SWT1: variants seen among roughly 807,000 people sequenced by gnomAD.
SWT1 encodes transcriptional protein SWT1.
Under a neutral mutation model 107.3 loss-of-function variants are expected in SWT1, and 33 were observed. The ratio of observed to expected loss-of-function variants is 0.31; its 90% CI spans 0.23 to 0.41. The LOEUF (loss-of-function observed/expected upper bound fraction) is 0.41, where lower values mean the gene tolerates loss of function less well. SWT1 is among the 10% of genes least tolerant of loss of function. The pLI is 1.00. For missense variants in SWT1, 898 were observed against 1,028.9 expected (o/e 0.87, Z 1.74); for synonymous variants, 345 against 348.3 (o/e 0.99, Z 0.11).
rs532904106 is a variant in SWT1, at chr1:185,284,456, C to T, written c.2574-6218C>T. Among the ~76,000 whole-genome samples, 6 of 152,262 alleles carry T rather than the reference C, an allele frequency of 3.9e-5. No individual in the cohort carries two copies. The East Asian group carries it at 1.2e-3, about 29-fold the overall frequency. On this transcript the variant is annotated intron_variant, in intron 18 of 18. Transcript: ENST00000367500. ...TTCCCCATACCTAAGGAAATGTTGA[C>T]CTAAAAGGAAGAGTTGAGGCACAAA... is the stretch of plus-strand genomic sequence containing the variant.
At position 185,259,900 on chromosome 1, in the gene SWT1, A is replaced by G. The variant is rs1662901001; in HGVS notation, c.2442-11423A>G. Reference sequence around the variant, plus strand: ...TACATTCATATTTCCCTAAAGAGAGATACCCTGATGACCTTGATTAGAACT... The same window carrying G: ...TACATTCATATTTCCCTAAAGAGAGGTACCCTGATGACCTTGATTAGAACT... On this transcript the variant is annotated intron_variant, in intron 16 of 18. Coordinates refer to ENST00000367500, the MANE Select transcript of SWT1 (RefSeq NM_017673.7). Among the ~76,000 whole-genome samples, 3 of 152,328 alleles carry G rather than the reference A, an allele frequency of 2.0e-5. No homozygotes were observed. The East Asian group carries it at 5.8e-4, about 29-fold the overall frequency.
intron 18 of SWT1, among the ~76,000 whole-genome samples, chr1:185,288,465 C>T (rs942520353): frequency 2.0e-5 from 3 of 152,030 alleles, no homozygotes; most frequent in African/African-American, 4.8e-5. Flanking sequence ...TTATTTACTT[C>T]GGTGTTGTCA....
chr1:185,158,438 A>G (rs1351057005), intron 1 of SWT1, among the ~76,000 whole-genome samples: 3 of 151,826 alleles, frequency 2.0e-5, no homozygotes, highest in Non-Finnish European at 4.4e-5. Flanking sequence ...TAAAAATGGG[A>G]TAACACTGAC....
intron 13 of SWT1, among the ~76,000 whole-genome samples, chr1:185,214,156 T>C (rs1436087736): frequency 6.6e-6 from 1 of 152,154 alleles, no homozygotes; most frequent in African/African-American, 2.4e-5. Context: ...AGTACTCTTA[T>C]GTGAAATCAC....
Position 185,214,500 on chromosome 1 carries a change from T to C in SWT1, c.1973-7T>C. 1.3e-6 allele frequency: 2 copies of C among 1,598,724 alleles called. No individual in the cohort carries two copies. Among genetic ancestry groups the C allele is most frequent in the Non-Finnish European group, 1.7e-6 (2 of 1,173,734 alleles). On this transcript the variant is annotated splice_region_variant and splice_polypyrimidine_tract_variant and intron_variant, in intron 13 of 18. Coordinates refer to ENST00000367500, the MANE Select transcript of SWT1 (RefSeq NM_017673.7). ...CATATTTTTCTGTCTTAATTTTCTG[T>C]TACCAGCTAATAAGGCAGTGGATTT...
intron 16 of SWT1, among the ~76,000 whole-genome samples, chr1:185,249,058 T>G (rs915041201): frequency 2.0e-5 from 3 of 152,118 alleles, no homozygotes; most frequent in Non-Finnish European, 2.9e-5. Context: ...TGTAGCTGCA[T>G]TCAGATAGTG....
At chr1:185,223,155 A>T (rs1659801033) in intron 15 of SWT1, among the ~76,000 whole-genome samples, 1 of 152,132 alleles carries the variant, frequency 6.6e-6, no homozygotes, top group South Asian at 2.1e-4. Context: ...CCACTAATTT[A>T]CAAATCTCAC....
chr1:185,286,994 A>T (rs1404641637), intron 18 of SWT1, among the ~76,000 whole-genome samples: 1 of 152,180 alleles, frequency 6.6e-6, no homozygotes, highest in Non-Finnish European at 1.5e-5. Context: ...TATATATTAC[A>T]TTGTATTTCA....
intron 16 of SWT1, among the ~76,000 whole-genome samples, chr1:185,256,643 A>G (rs1245436352): frequency 2.1e-5 from 3 of 145,750 alleles, no homozygotes; most frequent in Non-Finnish European, 3.0e-5. Context: ...AGCTCCTTTA[A>G]GCACTTCTCT....
chr1:185,203,252 A>C (rs978097410), intron 11 of SWT1, among the ~76,000 whole-genome samples: 9 of 152,208 alleles, frequency 5.9e-5, no homozygotes, highest in African/African-American at 2.2e-4. Context: ...TATTAATATG[A>C]TAAAAACTCA....
At position 185,174,484 on chromosome 1, in the gene SWT1, C is replaced by G; in HGVS notation, c.337C>G (p.Gln113Glu). 1 of 1,610,870 alleles carries G rather than the reference C, an allele frequency of 6.2e-7. No individual in the cohort carries two copies. Among genetic ancestry groups the G allele is most frequent in the Non-Finnish European group, 8.5e-7 (1 of 1,178,932 alleles). ...TTCAAATGATAATCAAATTATTTTG[C>G]AGAGTCCTTCTTCAAATGGAACTAA... ...SYSNDNQIILQSPSSNGTKKD... is the reference protein window; with the variant it reads ...SYSNDNQIILESPSSNGTKKD... Residue 113 changes from glutamine (Q) to glutamate (E), a missense_variant, in exon 5 of 19, where the codon CAG (glutamine) becomes GAG (glutamate). Gln to Glu is a conservative substitution (Grantham distance 29). This residue lies in a region of SWT1 where 382 missense variants were observed against 362.4 expected (regional missense o/e 1.05). Coordinates refer to ENST00000367500, the MANE Select transcript of SWT1 (RefSeq NM_017673.7).
chr1:185,205,787 G>C (rs1394698661), intron 12 of SWT1, among the ~76,000 whole-genome samples: 6 of 152,180 alleles, frequency 3.9e-5, no homozygotes, highest in Admixed American at 3.3e-4. Flanking sequence ...GAACCAAAAT[G>C]ATGACGAATC....
At chr1:185,251,458 G>A (rs969715729) in intron 16 of SWT1, 1 of 152,210 alleles carries the variant, frequency 6.6e-6, no homozygotes, top group Admixed American at 6.5e-5. Context: ...TACTTGCTGA[G>A]TTTTGTCTTT....
intron 15 of SWT1, among the ~76,000 whole-genome samples, chr1:185,229,786 A>T (rs541740044): frequency 3.9e-5 from 6 of 152,120 alleles, no homozygotes; most frequent in East Asian, 1.9e-4. Flanking sequence ...AATTAAGAAA[A>T]TTTTTTTTAA....
intron 16 of SWT1, among the ~76,000 whole-genome samples, chr1:185,270,288 T>C (rs1447399840): frequency 9.5e-6 from 1 of 105,432 alleles, no homozygotes; most frequent in Non-Finnish European, 1.8e-5. Context: ...TTACTTTCCT[T>C]TTTTTTTTTT....
Position 185,291,542 on chromosome 1 carries a change from T to G in SWT1, c.*739T>G, listed in dbSNP as rs1399935983. 1 of 152,656 alleles carries G rather than the reference T, an allele frequency of 6.6e-6. No individual in the cohort carries two copies. Among genetic ancestry groups the G allele is most frequent in the African/African-American group, 2.4e-5 (1 of 41,470 alleles). 9.5% of individuals were successfully genotyped at this position (152,656 alleles called of 1,614,324 possible). ...TTGTCTCTAGCTAAAACCAACTGTTTAGTTGACTTTTTAGTTATAGGATAA... is the reference window on the plus strand; with the variant it reads ...TTGTCTCTAGCTAAAACCAACTGTTGAGTTGACTTTTTAGTTATAGGATAA... On this transcript the variant is annotated 3_prime_UTR_variant, in exon 19 of 19. Transcript: ENST00000367500.
intron 10 of SWT1, among the ~76,000 whole-genome samples, chr1:185,193,055 A>C (rs1558028977): frequency 6.6e-6 from 1 of 152,178 alleles, no homozygotes; most frequent in East Asian, 1.9e-4. Context: ...GCACTTCTGC[A>C]GTTGTATCCC....
chr1:185,180,464 T>G lies in SWT1; in HGVS notation c.1026+14T>G. ...GCAGATCAAGAGGTTATTGATATTC[T>G]TGTTTACTTTGATATTTTTAATGAA... On this transcript the variant is annotated intron_variant, in intron 6 of 18. Coordinates refer to ENST00000367500, the MANE Select transcript of SWT1 (RefSeq NM_017673.7). The G allele has an allele frequency of 1.3e-6, 2 of 1,585,830 alleles. No individual in the cohort carries two copies. Among genetic ancestry groups the G allele is most frequent in the Non-Finnish European group, 8.7e-7 (1 of 1,154,518 alleles).
chr1:185,174,550 A>G lies in SWT1; in HGVS notation c.403A>G (p.Ile135Val), dbSNP rs1381373229. ...HKCVDFKPKD[I>V]KLTNAGSKLD... ...ATGTGTAGACTTTAAACCTAAAGATATCAAATTGACAAATGCTGGGAGCAA... is the reference window on the plus strand; with the variant it reads ...ATGTGTAGACTTTAAACCTAAAGATGTCAAATTGACAAATGCTGGGAGCAA... Residue 135 changes from isoleucine to valine, a missense_variant, in exon 5 of 19, where the codon ATC (isoleucine) becomes GTC (valine). By Grantham distance (29) the Ile-to-Val change is conservative (BLOSUM62 3). Coordinates refer to ENST00000367500, the MANE Select transcript of SWT1 (RefSeq NM_017673.7). 5 of 1,607,854 alleles carry G rather than the reference A, an allele frequency of 3.1e-6. No homozygotes were observed. The South Asian group carries it at 3.4e-5, about 11-fold the overall frequency.
Sources: gnomAD v4.1 joint callset for allele counts (sites outside exome capture counted in the v4.1 genomes callset) on GRCh38, gnomAD v4.1.1 for gene constraint, gnomAD v4.1.1 regional missense constraint, MANE v1.5 for transcripts, NCBI Gene and HGNC (gene_info 2026-07-23, HGNC 2026-07-21) for gene names.